The following PCDH7 variants were observed in gnomAD, a reference collection of about 807,000 sequenced individuals.
The protein encoded by PCDH7 is protocadherin 7.
PCDH7 carries 17 observed loss-of-function variants against 58.9 expected under a neutral mutation model. The observed-to-expected ratio is 0.29, with a 90% confidence interval of 0.20 to 0.43. The LOEUF (loss-of-function observed/expected upper bound fraction) is 0.43. Among genes scored for constraint, PCDH7 ranks in the 20% least tolerant of loss-of-function variants. The pLI, the probability that PCDH7 is intolerant of heterozygous loss-of-function variation, is 1.00. For missense variants in PCDH7, 1,274 were observed against 1,441.0 expected (o/e 0.88, Z 1.88); for synonymous variants, 664 against 616.4 (o/e 1.08, Z -1.14).
chr4:30,869,634 T>G (rs1735301400), intron 1 of PCDH7, among the ~76,000 whole-genome samples: 1 of 152,206 alleles, frequency 6.6e-6, no homozygotes, highest in East Asian at 1.9e-4. Context: ...TATGGCTGCA[T>G]AGTATTCCAT....
At chr4:31,116,102 G>A (rs888944055) in intron 3 of PCDH7, among the ~76,000 whole-genome samples, 1 of 152,126 alleles carries the variant, frequency 6.6e-6, no homozygotes, top group Admixed American at 6.6e-5. Context: ...GGAGGGGAGA[G>A]AAATGATCCT....
chr4:30,873,855 GTTTA>G (rs1735934935), intron 1 of PCDH7, among the ~76,000 whole-genome samples: 1 of 151,340 alleles, frequency 6.6e-6, no homozygotes, highest in Admixed American at 6.6e-5. Context: ...TTATTTATTT[GTTTA>G]TTTATTTATA....
chr4:30,828,351 G>T (rs529996592), intron 1 of PCDH7, among the ~76,000 whole-genome samples: 1 of 151,962 alleles, frequency 6.6e-6, no homozygotes, highest in East Asian at 1.9e-4. Flanking sequence ...CACGAGTTTG[G>T]TTCTGGTGAT....
chr4:30,932,799 A>G (rs1744803726), intron 2 of PCDH7, among the ~76,000 whole-genome samples: 1 of 152,196 alleles, frequency 6.6e-6, no homozygotes, highest in Admixed American at 6.5e-5. Flanking sequence ...GTACAGAGCC[A>G]AGCATGATAA....
chr4:30,917,327 C>A (rs114417645), intron 1 of PCDH7, among the ~76,000 whole-genome samples: 10,325 of 152,078 alleles, frequency 0.068, 504 homozygotes, highest in Middle Eastern at 0.14. Context: ...GTTCACACTG[C>A]CAACTTAAAT....
chr4:31,120,010 A>G (rs1717470868), intron 3 of PCDH7, among the ~76,000 whole-genome samples: 1 of 150,110 alleles, frequency 6.7e-6, no homozygotes, highest in Admixed American at 6.7e-5. Flanking sequence ...ACCAATTATT[A>G]TTTTAGAGAG....
chr4:30,736,535 A>ATTTTT (rs35719962), downstream of PCDH7, among the ~76,000 whole-genome samples: 1 of 134,574 alleles, frequency 7.4e-6, no homozygotes, highest in African/African-American at 3.0e-5. Context: ...ATTTTCATTT[A>ATTTTT]TTTTTTTTTT....
chr4:30,972,070 A>C (rs1749636779), intron 3 of PCDH7, among the ~76,000 whole-genome samples: 1 of 152,250 alleles, frequency 6.6e-6, no homozygotes, highest in Non-Finnish European at 1.5e-5. Flanking sequence ...GGGAGCACCT[A>C]AGAAGCCTCA....
chr4:30,969,299 T>C (rs796192195), intron 3 of PCDH7, among the ~76,000 whole-genome samples: 22 of 152,304 alleles, frequency 1.4e-4, no homozygotes, highest in African/African-American at 5.1e-4. Flanking sequence ...TCCTTGAAGC[T>C]GCACTGCTGC....
At chr4:30,949,350 GT>G in intron 2 of PCDH7, among the ~76,000 whole-genome samples, 1 of 152,120 alleles carries the variant, frequency 6.6e-6, no homozygotes, top group East Asian at 1.9e-4. Context: ...TTGTACCAGT[GT>G]TTGTTTTGCA....
chr4:30,985,087 G>A (rs1012932305), intron 3 of PCDH7, among the ~76,000 whole-genome samples: 4 of 152,102 alleles, frequency 2.6e-5, no homozygotes, highest in Non-Finnish European at 5.9e-5. Context: ...CTGCCCAGTA[G>A]CTGGGATTAC....
chr4:30,982,097 G>T (rs1204269668), intron 3 of PCDH7, among the ~76,000 whole-genome samples: 1 of 152,112 alleles, frequency 6.6e-6, no homozygotes, highest in Non-Finnish European at 1.5e-5. Context: ...AATTATGTGG[G>T]ATAATGTATA....
chr4:30,883,218 T>C (rs1013463138), intron 1 of PCDH7, among the ~76,000 whole-genome samples: 2 of 152,180 alleles, frequency 1.3e-5, no homozygotes, highest in Non-Finnish European at 2.9e-5. Flanking sequence ...TTCTCTTTTA[T>C]AGAGGAAAAA....
chr4:31,123,759 A>G (rs1268454729), intron 3 of PCDH7, among the ~76,000 whole-genome samples: 1 of 152,118 alleles, frequency 6.6e-6, no homozygotes, highest in African/African-American at 2.4e-5. Flanking sequence ...AACAGATTGA[A>G]GGGTGGTGTA....
At chr4:30,968,290 C>A (rs868812374) in intron 3 of PCDH7, among the ~76,000 whole-genome samples, 359 of 10,846 alleles carry the variant, frequency 0.033, 15 homozygotes, top group African/African-American at 0.27. Flanking sequence ...AAAAATTACT[C>A]TCTCTCTCTC....
At chr4:30,730,023 A>G (rs1331166540) in intron 1 of PCDH7, among the ~76,000 whole-genome samples, 2 of 151,956 alleles carry the variant, frequency 1.3e-5, no homozygotes, top group East Asian at 3.8e-4. Context: ...CAACACAGCA[A>G]TCTACTCTAT....
intron 3 of PCDH7, among the ~76,000 whole-genome samples, chr4:31,024,387 T>TG (rs1170732925): frequency 1.3e-5 from 2 of 152,208 alleles, no homozygotes; most frequent in Non-Finnish European, 2.9e-5. Flanking sequence ...TCAATGTTCC[T>TG]GGTTCAGTGC....
intron 1 of PCDH7, among the ~76,000 whole-genome samples, chr4:30,902,504 G>A (rs192541035): frequency 3.8e-4 from 58 of 152,168 alleles, no homozygotes; most frequent in African/African-American, 1.3e-3. Flanking sequence ...TAATACGTGC[G>A]ATGCATATAA....
At chr4:30,844,597 G>A (rs979267445) in intron 1 of PCDH7, among the ~76,000 whole-genome samples, 1 of 152,096 alleles carries the variant, frequency 6.6e-6, no homozygotes, top group Admixed American at 6.6e-5. Context: ...AAAATTTATG[G>A]AAAGAAATAA....
Sources: allele counts gnomAD v4.1 joint callset (sites outside exome capture counted in the v4.1 genomes callset), GRCh38; gene constraint gnomAD v4.1.1; transcripts MANE v1.5; gene names NCBI Gene and HGNC (gene_info 2026-07-23, HGNC 2026-07-21).